The following VNN2 variants were observed in gnomAD, a reference collection of about 807,000 sequenced individuals.
The protein encoded by VNN2 is pantetheine hydrolase VNN2.
VNN2 carries 43 observed loss-of-function variants against 43.0 expected under a neutral mutation model. The observed-to-expected ratio is 1.00, with a 90% CI of 0.78 to 1.29. The LOEUF (loss-of-function observed/expected upper bound fraction) is 1.29, where lower values mean the gene tolerates loss of function less well. Among genes scored for constraint, VNN2 ranks in the 50% most tolerant of loss-of-function variants. The pLI is 0.00. For synonymous variants in VNN2, 230 were observed against 224.3 expected (o/e 1.03, Z -0.23); for missense variants, 652 against 619.7 (o/e 1.05, Z -0.55).
intron 6 of VNN2, 65 bp from the exon 7 acceptor site, chr6:132,744,556 AT>A: frequency 2.1e-6 from 3 of 1,447,380 alleles, no homozygotes; most frequent in Non-Finnish European, 2.8e-6. Context: ...CAAATTAATC[AT>A]TTTGAAACCA....
chr6:132,761,355 TAA>T (rs61548790), upstream of VNN2, among the ~76,000 whole-genome samples: 1,074 of 137,214 alleles, frequency 7.8e-3, 15 homozygotes, highest in African/African-American at 0.027. Context: ...AGAGTCACCA[TAA>T]AAAAAAAAAA....
chr6:132,749,676 CTT>C lies in VNN2; in HGVS notation c.1371+17_1371+18del. The stretch of plus-strand genomic sequence containing the variant: ...AGAGAACATATAAAATGAAAATACT[CTT>C]ATAAAAGTCCTCTTACCTCAAATTT... On this transcript the variant is annotated intron_variant, in intron 6 of 6. Coordinates refer to ENST00000326499, the MANE Select transcript of VNN2 (RefSeq NM_004665.6). 1.2e-6 allele frequency: 2 copies of C among 1,601,912 alleles called. No homozygotes were observed. Among genetic ancestry groups the C allele is most frequent in the Non-Finnish European group, 1.7e-6 (2 of 1,173,472 alleles).
chr6:132,744,111 C>A lies in VNN2; in HGVS notation c.*189G>T. On this transcript the variant is annotated 3_prime_UTR_variant, in exon 7 of 7. Transcript: ENST00000326499. ...TCCATTGTTCCACACTGCAACATTT[C>A]AGAGTAGCCAAAAAAATGGACAACA... The A allele has an allele frequency of 2.1e-6, 1 of 485,488 alleles. No homozygotes were observed. Among genetic ancestry groups the A allele is most frequent in the Admixed American group, 4.3e-5 (1 of 23,148 alleles). 30.1% of individuals were successfully genotyped at this position (485,488 alleles called of 1,614,324 possible).
intron 4 of VNN2, among the ~76,000 whole-genome samples, 154 bp from the exon 5 acceptor site, chr6:132,751,672 A>G (rs915449219): frequency 6.6e-6 from 1 of 152,162 alleles, no homozygotes; most frequent in African/African-American, 2.4e-5. Flanking sequence ...ACACCTAACT[A>G]CTTCTATTCT....
chr6:132,749,904 A>G (rs1241034703), intron 5 of VNN2, 39 bp from the exon 6 acceptor site: 5 of 1,568,642 alleles, frequency 3.2e-6, no homozygotes, highest in East Asian at 2.3e-5. Flanking sequence ...AATGCCTTAC[A>G]TTGAAGTTAC....
chr6:132,760,610 T>C (rs1391683921), upstream of VNN2: 1 of 151,408 alleles, frequency 6.6e-6, no homozygotes, highest in Non-Finnish European at 1.5e-5. Context: ...TCTCCATAAG[T>C]ACAATTTGGG....
chr6:132,762,731 T>A (rs981304657), upstream of VNN2, among the ~76,000 whole-genome samples: 2 of 152,186 alleles, frequency 1.3e-5, no homozygotes, highest in Non-Finnish European at 2.9e-5. Flanking sequence ...GAGAAGGTAA[T>A]GATATATCAC....
intron 3 of VNN2, among the ~76,000 whole-genome samples, chr6:132,755,383 C>CTTTTTTTTTTTTTTTT (rs397728432): frequency 2.5e-5 from 3 of 118,950 alleles, no homozygotes; most frequent in African/African-American, 6.2e-5. Context: ...TCTTTTTTTT[C>CTTTTTTTTTTTTTTTT]TTTTTTTTTT....
chr6:132,749,817 G>T lies in VNN2; in HGVS notation c.1249C>A (p.Arg417=). 6.2e-7 allele frequency: 1 copy of T among 1,614,060 alleles called. No homozygotes were observed. Among genetic ancestry groups the T allele is most frequent in the Non-Finnish European group, 8.5e-7 (1 of 1,179,982 alleles). The part of the protein sequence containing the change: ...CKTTNLTTCG[R]PVETASTRFE... ...CTTGTAGAAGCAGTTTCTACTGGCC[G>T]TCCACAAGTTGTCAAATTAGTAGTT... The change falls in exon 6 of 7, where the codon CGG becomes AGG. Residue 417 remains arginine (R), a synonymous_variant. Transcript: ENST00000326499.
chr6:132,746,846 A>G (rs1779746789), intron 6 of VNN2, among the ~76,000 whole-genome samples: 1 of 152,006 alleles, frequency 6.6e-6, no homozygotes, highest in South Asian at 2.1e-4. Flanking sequence ...TATCTTGCAA[A>G]TTTGATTAGT....
chr6:132,757,953 G>T, upstream of VNN2: 1 of 1,282,186 alleles, frequency 7.8e-7, no homozygotes, highest in Non-Finnish European at 1.1e-6. Context: ...GAGAATGTTT[G>T]CATAACATGT....
intron 3 of VNN2, chr6:132,753,463 C>G (rs935078137): frequency 4.4e-6 from 2 of 454,486 alleles, no homozygotes; most frequent in African/African-American, 4.0e-5. Flanking sequence ...AGTGTCCCAT[C>G]CAAAGTAATC....
intron 3 of VNN2, chr6:132,753,596 T>C (rs1582829416): frequency 5.5e-6 from 2 of 360,872 alleles, no homozygotes; most frequent in East Asian, 7.6e-5. Flanking sequence ...GTTAATAAAA[T>C]GGTCTGCAGT....
At chr6:132,753,003 A>AC (rs35794301) in intron 3 of VNN2, 17,487 of 388,590 alleles carry the variant, frequency 0.045, 513 homozygotes, top group Non-Finnish European at 0.059. Flanking sequence ...AGAGCCAAAT[A>AC]CCCCCCCATA....
chr6:132,746,944 T>C (rs34454463), intron 6 of VNN2, among the ~76,000 whole-genome samples: 9,431 of 152,226 alleles, frequency 0.062, 344 homozygotes, highest in East Asian at 0.13. Flanking sequence ...CTCACCCTCA[T>C]CATGATGCTC....
In VNN2 at chr6:132,752,589, A is replaced by T; in HGVS notation, c.698T>A (p.Leu233Gln). 1.2e-6 allele frequency: 2 copies of T among 1,614,210 alleles called. No homozygotes were observed. Among genetic ancestry groups the T allele is most frequent in the Non-Finnish European group, 1.7e-6 (2 of 1,180,040 alleles). ...AACGTTCATCCAAGCTGTGGGAAAC[A>T]GTATGGTGTCCACATGGAAATCTTT... ...LVKDFHVDTI[L>Q]FPTAWMNVLP... The change falls in exon 4 of 7, where the codon CTG becomes CAG. Residue 233 changes from leucine (L) to glutamine (Q), a missense_variant. Transcript: ENST00000326499.
At chr6:132,757,619 C>A in intron 1 of VNN2, 52 bp downstream of exon 1, 1 of 1,607,742 alleles carries the variant, frequency 6.2e-7, no homozygotes, top group South Asian at 1.1e-5. Context: ...TCGTCTTCCA[C>A]CAGCTCCCAT....
At chr6:132,761,009 G>A (rs1486878573), upstream of VNN2, among the ~76,000 whole-genome samples, 1 of 152,148 alleles carries the variant, frequency 6.6e-6, no homozygotes, top group Non-Finnish European at 1.5e-5. Context: ...GTTAGTAAAT[G>A]AAGGAGCAAT....
upstream of VNN2, among the ~76,000 whole-genome samples, chr6:132,759,457 A>G (rs901362111): frequency 4.0e-5 from 6 of 151,462 alleles, no homozygotes; most frequent in Non-Finnish European, 7.4e-5. Flanking sequence ...AAAAAAAAAA[A>G]AAAACAATAA....
Sources: gnomAD v4.1 joint callset for allele counts (sites outside exome capture counted in the v4.1 genomes callset) on GRCh38, gnomAD v4.1.1 for gene constraint, MANE v1.5 for transcripts, NCBI Gene and HGNC (gene_info 2026-07-23, HGNC 2026-07-21) for gene names.